Variants in WDSUB1 observed in about 807,000 individuals in gnomAD.
WDSUB1 encodes the protein WD repeat, sterile alpha motif and U-box domain containing 1.
WDSUB1 carries 49 observed loss-of-function variants against 53.9 expected under a neutral mutation model. The observed-to-expected ratio is 0.91, with a 90% confidence interval of 0.72 to 1.15. The LOEUF (loss-of-function observed/expected upper bound fraction) is 1.15. Ranked by LOEUF, WDSUB1 falls within the 50% of genes most tolerant of loss-of-function variation. WDSUB1 has a pLI of 0.00. For synonymous variants in WDSUB1, 194 were observed against 200.6 expected, an observed-to-expected ratio of 0.97 and a Z score of 0.28; for missense variants, 514 against 562.0, an observed-to-expected ratio of 0.91 and a Z score of 0.86.
chr2:159,244,018 T>C (rs1473890083), intron 10 of WDSUB1, among the ~76,000 whole-genome samples: 1 of 150,652 alleles, frequency 6.6e-6, no homozygotes, highest in Non-Finnish European at 1.5e-5. Context: ...CAATCTATCC[T>C]ATTATAGTCT....
At chr2:159,282,575 C>G in intron 2 of WDSUB1, 97 bp downstream of exon 2, 1 of 1,401,914 alleles carries the variant, frequency 7.1e-7, no homozygotes, top group African/African-American at 1.4e-5. Context: ...TTCTACATCA[C>G]TTAGACTGTG....
chr2:159,275,717 A>T, intron 3 of WDSUB1, 79 bp from the exon 4 acceptor site: 2 of 1,098,558 alleles, frequency 1.8e-6, no homozygotes, highest in Non-Finnish European at 2.6e-6. Context: ...TTATACTAAG[A>T]TCTATTAATT....
intron 4 of WDSUB1, among the ~76,000 whole-genome samples, chr2:159,274,266 G>A (rs2061497178): frequency 6.6e-6 from 1 of 152,190 alleles, no homozygotes; most frequent in Non-Finnish European, 1.5e-5. Context: ...CATTTTGAGA[G>A]GCCAAGGTGG....
Position 159,235,979 on chromosome 2 carries a change from A to G in WDSUB1, c.*54T>C, listed in dbSNP as rs1201708061. 1 of 1,497,924 alleles carries G rather than the reference A, an allele frequency of 6.7e-7. No homozygotes were observed. The highest frequency in any genetic ancestry group is 2.2e-5 in the Admixed American group (1 of 44,598). The allele number at this position is 1,497,924 out of a possible 1,614,324, so 92.8% of individuals were successfully genotyped here. ...AATAATGTCTGATTAGTATTTACCTATAAATCATTCAAATGAGATCACTGA... is the reference window on the plus strand; with the variant it reads ...AATAATGTCTGATTAGTATTTACCTGTAAATCATTCAAATGAGATCACTGA... On this transcript the variant is annotated 3_prime_UTR_variant, in exon 11 of 11. Transcript: ENST00000359774.
chr2:159,262,509 G>A (rs574070705), intron 5 of WDSUB1, among the ~76,000 whole-genome samples: 59 of 135,548 alleles, frequency 4.4e-4, no homozygotes, highest in African/African-American at 1.5e-3. Context: ...GGAGACCACT[G>A]AATCCATGGA....
chr2:159,250,088 C>CAAAAAAAAAAAAAA lies in WDSUB1; in HGVS notation c.1133-1590_1133-1577dup, dbSNP rs374038625. Among the ~76,000 whole-genome samples, 47 of 83,520 alleles carry CAAAAAAAAAAAAAA rather than the reference C, an allele frequency of 5.6e-4. 3 individuals are homozygous for CAAAAAAAAAAAAAA. Among genetic ancestry groups the CAAAAAAAAAAAAAA allele is most frequent in the Non-Finnish European group, 8.0e-4 (30 of 37,268 alleles). 54.8% of individuals were successfully genotyped at this position (83,520 alleles called of 152,430 possible). ...TGGGCGACACAGTGAGACTCTGCCTCAAAAAAAAAAAAAAAAAAAGAAGGG... is the reference window on the plus strand; with the variant it reads ...TGGGCGACACAGTGAGACTCTGCCTCAAAAAAAAAAAAAAAAAAAAAAAAAAAAAAAAAGAAGGG... On this transcript the variant is annotated intron_variant, in intron 9 of 10. Coordinates refer to ENST00000359774, the MANE Select transcript of WDSUB1 (RefSeq NM_001128212.3).
chr2:159,237,533 A>C (rs576511196), intron 10 of WDSUB1, among the ~76,000 whole-genome samples: 1 of 151,946 alleles, frequency 6.6e-6, no homozygotes, highest in East Asian at 1.9e-4. Context: ...AAAAAAAAAA[A>C]GTTACAACTA....
At chr2:159,283,643 G>A (rs113975799) in intron 1 of WDSUB1, among the ~76,000 whole-genome samples, 5 of 57,962 alleles carry the variant, frequency 8.6e-5, no homozygotes, top group African/African-American at 2.6e-4. Context: ...ATGGAGCCAA[G>A]GCTATCTGCT....
chr2:159,275,235 T>A (rs1182973045), intron 4 of WDSUB1, among the ~76,000 whole-genome samples: 1 of 151,380 alleles, frequency 6.6e-6, no homozygotes, highest in Non-Finnish European at 1.5e-5. Flanking sequence ...GTACCTACAG[T>A]GAATAAATAA....
Position 159,235,965 on chromosome 2 carries a change from A to C in WDSUB1, c.*68T>G, listed in dbSNP as rs1447197771. ...CCTGTTTTGCTTTTAATAATGTCTG[A>C]TTAGTATTTACCTATAAATCATTCA... On this transcript the variant is annotated 3_prime_UTR_variant, in exon 11 of 11. Transcript: ENST00000359774. 2 of 1,378,450 alleles carry C rather than the reference A, an allele frequency of 1.5e-6. No individual in the cohort carries two copies. Among genetic ancestry groups the C allele is most frequent in the East Asian group, 5.1e-5 (2 of 39,154 alleles). 85.4% of individuals were successfully genotyped at this position (1,378,450 alleles called of 1,614,324 possible).
In WDSUB1 at chr2:159,279,452, A is replaced by G. The variant is rs1274548528; in HGVS notation, c.583+309T>C. ...TTGTATCAATAGGGTTAGGTCCTCT[A>G]AATTGCCATATCCAAGGAATCTGAA... is the stretch of plus-strand genomic sequence containing the variant. On this transcript the variant is annotated intron_variant, in intron 3 of 10. Transcript: ENST00000359774. Among the ~76,000 whole-genome samples the G allele has an allele frequency of 3.3e-5, 5 of 152,212 alleles. No individual in the cohort carries two copies. In the East Asian group the frequency reaches 9.6e-4, roughly 29 times the overall value.
chr2:159,280,690 C>CAAAAAAAAAAAAAAAAAAAAAAAAA (rs58584838), intron 2 of WDSUB1, among the ~76,000 whole-genome samples: 11 of 59,574 alleles, frequency 1.8e-4, no homozygotes, highest in African/African-American at 1.0e-3. Context: ...GACTCCGTCT[C>CAAAAAAAAAAAAAAAAAAAAAAAAA]AAAAAAAAAA....
chr2:159,245,591 C>CAGAT (rs1321721056), intron 10 of WDSUB1, among the ~76,000 whole-genome samples: 1 of 151,758 alleles, frequency 6.6e-6, no homozygotes, highest in African/African-American at 2.4e-5. Context: ...AACCGGCCCC[C>CAGAT]AGATAGACAT....
At chr2:159,239,368 T>G (rs1418422708) in intron 10 of WDSUB1, among the ~76,000 whole-genome samples, 1 of 152,238 alleles carries the variant, frequency 6.6e-6, no homozygotes, top group Non-Finnish European at 1.5e-5. Context: ...GTTATAACTT[T>G]TAAGTGCTTT....
At chr2:159,275,491 G>C in intron 4 of WDSUB1, 55 bp downstream of exon 4, 1 of 1,399,554 alleles carries the variant, frequency 7.1e-7, no homozygotes, top group Non-Finnish European at 9.7e-7. Context: ...AGATTAAATA[G>C]AAATTTTATC....
intron 10 of WDSUB1, among the ~76,000 whole-genome samples, chr2:159,238,344 G>A (rs1213794365): frequency 6.6e-6 from 1 of 152,146 alleles, no homozygotes; most frequent in Non-Finnish European, 1.5e-5. Flanking sequence ...AAAAGTCTTT[G>A]AAGAGATGGG....
chr2:159,245,687 AATAAGTG>A (rs1039743027), intron 10 of WDSUB1, among the ~76,000 whole-genome samples: 2 of 152,200 alleles, frequency 1.3e-5, no homozygotes, highest in African/African-American at 4.8e-5. Context: ...ATGATTTCTC[AATAAGTG>A]ATGCTGGAAC....
chr2:159,248,332 A>G (rs761503869), intron 10 of WDSUB1, 40 bp downstream of exon 10: 7 of 1,596,004 alleles, frequency 4.4e-6, no homozygotes, highest in Non-Finnish European at 6.0e-6. Context: ...TTCATTTAGC[A>G]CAAAACATCC....
intron 4 of WDSUB1, among the ~76,000 whole-genome samples, chr2:159,274,507 CCATT>C (rs2061501624): frequency 1.3e-5 from 2 of 152,142 alleles, no homozygotes; most frequent in South Asian, 4.1e-4. Flanking sequence ...TGTATACAGA[CCATT>C]CAGTGTCTAC....
Sources: allele counts gnomAD v4.1 joint callset (sites outside exome capture counted in the v4.1 genomes callset), GRCh38; gene constraint gnomAD v4.1.1; transcripts MANE v1.5; gene names NCBI Gene and HGNC (gene_info 2026-07-23, HGNC 2026-07-21).